Variants in TM4SF20 observed in about 807,000 individuals in gnomAD.
TM4SF20 encodes transmembrane 4 L six family member 20.
Under a neutral mutation model 15.1 loss-of-function variants are expected in TM4SF20, and 13 were observed. The observed-to-expected ratio is 0.86, with a 90% CI of 0.56 to 1.36. TM4SF20 has a LOEUF of 1.36. Ranked by LOEUF, TM4SF20 falls within the 40% of genes most tolerant of loss-of-function variation. The pLI is 0.00. For synonymous variants in TM4SF20, 92 were observed against 96.6 expected, an observed-to-expected ratio of 0.95 and a Z score of 0.28; for missense variants, 282 against 268.4, an observed-to-expected ratio of 1.05 and a Z score of -0.35.
intron 1 of TM4SF20, among the ~76,000 whole-genome samples, chr2:227,372,615 T>G (rs2076426514): frequency 6.6e-6 from 1 of 152,170 alleles, no homozygotes; most frequent in African/African-American, 2.4e-5. Flanking sequence ...CACTCCGGCC[T>G]GGCGACAGAG....
intron 1 of TM4SF20, among the ~76,000 whole-genome samples, chr2:227,378,595 C>T (rs576576569): frequency 2.0e-5 from 3 of 152,308 alleles, no homozygotes; most frequent in South Asian, 2.1e-4. Context: ...CTTAGCCCAA[C>T]TCCCTTCAGG....
intron 1 of TM4SF20, among the ~76,000 whole-genome samples, chr2:227,377,325 C>T (rs1377329510): frequency 6.6e-6 from 1 of 152,218 alleles, no homozygotes; most frequent in Non-Finnish European, 1.5e-5. Context: ...CAGAGAGAAG[C>T]CTTCTACAGG....
intron 1 of TM4SF20, among the ~76,000 whole-genome samples, chr2:227,375,553 G>C (rs563665852): frequency 7.9e-5 from 12 of 152,218 alleles, no homozygotes; most frequent in African/African-American, 2.6e-4. Context: ...ACAGTGGCGC[G>C]ATCTCAGCTT....
intron 1 of TM4SF20, 23 bp from the exon 2 acceptor site, chr2:227,371,003 AGATGAGTATTAT>A: frequency 6.2e-7 from 1 of 1,602,030 alleles, no homozygotes; most frequent in Non-Finnish European, 8.6e-7. Flanking sequence ...TCAACAGGAA[AGATGAGTATTAT>A]AACTTCTCAT....
At chr2:227,376,936 G>C (rs1575026169) in intron 1 of TM4SF20, among the ~76,000 whole-genome samples, 2 of 152,184 alleles carry the variant, frequency 1.3e-5, no homozygotes, top group African/African-American at 4.8e-5. Flanking sequence ...GAGATAACAA[G>C]GTAATGTATG....
At chr2:227,366,557 C>T (rs1482812242) in intron 2 of TM4SF20, among the ~76,000 whole-genome samples, 1 of 151,362 alleles carries the variant, frequency 6.6e-6, no homozygotes. Context: ...GCAAAACCCC[C>T]TCTCTACTAA....
intron 3 of TM4SF20, among the ~76,000 whole-genome samples, chr2:227,364,227 A>C (rs187619129): frequency 1.5e-3 from 224 of 152,274 alleles, no homozygotes; most frequent in Non-Finnish European, 2.4e-3. Context: ...AAGCATCTCT[A>C]TGGTACATCT....
intron 1 of TM4SF20, among the ~76,000 whole-genome samples, chr2:227,377,242 G>A (rs1405236585): frequency 6.6e-6 from 1 of 152,170 alleles, no homozygotes; most frequent in African/African-American, 2.4e-5. Context: ...AATTGCTATC[G>A]TTAAGTCATG....
In TM4SF20 at chr2:227,363,753, C is replaced by G; in HGVS notation, c.661G>C (p.Val221Leu). 6.2e-7 allele frequency: 1 copy of G among 1,614,074 alleles called. No individual in the cohort carries two copies. The highest frequency in any genetic ancestry group is 8.5e-7 in the Non-Finnish European group (1 of 1,179,998). The stretch of plus-strand genomic sequence containing the variant: ...ACAATTTGACTTCTTCGCTTAGAGA[C>G]TCCACACAGACAGCCAAGGAAACCG... The part of the protein sequence containing the change: ...VIGFLGCLCG[V>L]SKRRSQIV The change falls in exon 4 of 4, where the codon GTC becomes CTC. Residue 221 changes from valine to leucine, a missense_variant. By Grantham distance (32) the Val-to-Leu change is conservative. Coordinates refer to ENST00000304568, the MANE Select transcript of TM4SF20 (RefSeq NM_024795.4).
At chr2:227,371,415 A>G (rs4673192) in intron 1 of TM4SF20, among the ~76,000 whole-genome samples, 28,438 of 152,182 alleles carry the variant, frequency 0.19, 2,908 homozygotes, top group African/African-American at 0.27. Context: ...AGCATAGCTC[A>G]CTGTAGCCTT....
At chr2:227,364,393 A>G (rs1037558526) in intron 3 of TM4SF20, among the ~76,000 whole-genome samples, 4 of 114,370 alleles carry the variant, frequency 3.5e-5, no homozygotes, top group East Asian at 5.3e-4. Flanking sequence ...ACCCCCCGCC[A>G]CCCCCATTAA....
chr2:227,370,374 A>G (rs1453590758), intron 2 of TM4SF20, among the ~76,000 whole-genome samples: 1 of 149,380 alleles, frequency 6.7e-6, no homozygotes, highest in Non-Finnish European at 1.5e-5. Context: ...TCCACGGAAG[A>G]CTGAGGAAGG....
intron 3 of TM4SF20, among the ~76,000 whole-genome samples, chr2:227,365,190 C>T (rs1287999758): frequency 6.6e-5 from 10 of 152,208 alleles, no homozygotes; most frequent in African/African-American, 2.4e-4. Context: ...GGATTACAGG[C>T]GTGAGCCGCT....
intron 2 of TM4SF20, among the ~76,000 whole-genome samples, chr2:227,368,335 T>TTTTATA (rs1553786652): frequency 1.6e-5 from 2 of 122,726 alleles, no homozygotes; most frequent in African/African-American, 3.1e-5. Flanking sequence ...CATCTATTAT[T>TTTTATA]TATATATATA....
At chr2:227,376,536 A>G (rs149906135) in intron 1 of TM4SF20, among the ~76,000 whole-genome samples, 41 of 152,334 alleles carry the variant, frequency 2.7e-4, no homozygotes, top group Non-Finnish European at 5.6e-4. Context: ...TGCTTTAATG[A>G]CATTCTATAA....
At position 227,375,601 on chromosome 2, in the gene TM4SF20, T is replaced by C. The variant is rs149600657; in HGVS notation, c.183+3485A>G. Among the ~76,000 whole-genome samples the C allele has an allele frequency of 6.2e-3, 938 of 152,262 alleles. 4 individuals are homozygous for C. The highest frequency in any genetic ancestry group is 0.02 in the African/African-American group (820 of 41,550). On this transcript the variant is annotated intron_variant, in intron 1 of 3. Coordinates refer to ENST00000304568, the MANE Select transcript of TM4SF20 (RefSeq NM_024795.4). The stretch of plus-strand genomic sequence containing the variant: ...ACCTCCTGGGTTCACACCATTCCCT[T>C]GCCGCAGCCTCCTGAGTAGCTAGGA...
upstream of TM4SF20, among the ~76,000 whole-genome samples, chr2:227,380,791 C>A (rs2076476124): frequency 6.6e-6 from 1 of 152,092 alleles, no homozygotes; most frequent in African/African-American, 2.4e-5. Context: ...GCCAAAAGCT[C>A]AGGCGTAGTA....
chr2:227,364,389 CG>C (rs918006597), intron 3 of TM4SF20, among the ~76,000 whole-genome samples: 53 of 148,886 alleles, frequency 3.6e-4, no homozygotes, highest in Non-Finnish European at 5.2e-4. Context: ...CCCTACCCCC[CG>C]CCACCCCCAT....
chr2:227,363,812 A>G lies in TM4SF20; in HGVS notation c.602T>C (p.Leu201Pro), dbSNP rs2076375948. The G allele has an allele frequency of 6.2e-7, 1 of 1,614,092 alleles. No individual in the cohort carries two copies. Among genetic ancestry groups the G allele is most frequent in the Non-Finnish European group, 8.5e-7 (1 of 1,180,028 alleles). The change falls in exon 4 of 4, where the codon CTG becomes CCG. Residue 201 changes from leucine to proline, a missense_variant. Coordinates refer to ENST00000304568, the MANE Select transcript of TM4SF20 (RefSeq NM_024795.4). ...VFLGLLLVGI[L>P]EVLFGLSQIV... ...CTGACTGAGCCCAAACAGGACCTCCAGAATTCCAACAAGCAATAGACCTAA... is the reference window on the plus strand; with the variant it reads ...CTGACTGAGCCCAAACAGGACCTCCGGAATTCCAACAAGCAATAGACCTAA...
Sources: gnomAD v4.1 joint callset for allele counts (sites outside exome capture counted in the v4.1 genomes callset) on GRCh38, gnomAD v4.1.1 for gene constraint, MANE v1.5 for transcripts, NCBI Gene and HGNC (gene_info 2026-07-23, HGNC 2026-07-21) for gene names.